The following MAGI2 variants were observed in gnomAD, a reference collection of about 807,000 sequenced individuals.
The protein encoded by MAGI2 is membrane associated guanylate kinase, WW and PDZ domain containing 2, also known as membrane-associated guanylate kinase, WW and PDZ domain-containing protein 2.
A neutral mutation model predicts 133.3 loss-of-function variants in MAGI2; 35 were observed. The ratio of observed to expected loss-of-function variants is 0.26; its 90% confidence interval spans 0.20 to 0.35. The LOEUF (loss-of-function observed/expected upper bound fraction) is 0.35. Ranked by LOEUF, MAGI2 falls within the 10% of genes least tolerant of loss-of-function variation. The probability of loss-of-function intolerance (pLI) is 1.00; values close to 1 mark genes in which losing one functional copy is unlikely to be tolerated. For missense variants in MAGI2, 1,636 were observed against 1,863.4 expected (o/e 0.88, Z 2.25); for synonymous variants, 729 against 710.6 (o/e 1.03, Z -0.41).
chr7:78,718,427 C>T (rs1429978350), intron 2 of MAGI2, among the ~76,000 whole-genome samples: 1 of 152,054 alleles, frequency 6.6e-6, no homozygotes, highest in Non-Finnish European at 1.5e-5. Flanking sequence ...AAAGCGTCAT[C>T]TGTATTTATA....
intron 1 of MAGI2, among the ~76,000 whole-genome samples, chr7:79,088,189 TCCTTGACGAACTACAACC>T (rs1281942910): frequency 6.6e-6 from 1 of 152,086 alleles, no homozygotes; most frequent in Non-Finnish European, 1.5e-5. Context: ...TTAGTAGTTC[TCCTTGACGAACTACAACC>T]CCTTGAAGAG....
intron 1 of MAGI2, among the ~76,000 whole-genome samples, chr7:79,399,931 T>C (rs1444109406): frequency 6.6e-6 from 1 of 152,240 alleles, no homozygotes; most frequent in Non-Finnish European, 1.5e-5. Flanking sequence ...TCTATTTACA[T>C]ATTCAAAGTC....
chr7:79,383,988 T>C (rs1173664937), intron 1 of MAGI2, among the ~76,000 whole-genome samples: 2 of 151,584 alleles, frequency 1.3e-5, no homozygotes, highest in Admixed American at 6.6e-5. Flanking sequence ...GAGACAACTG[T>C]ATATCAGTAC....
chr7:78,133,181 G>C, intron 17 of MAGI2, 121 bp from the exon 18 acceptor site: 1 of 748,500 alleles, frequency 1.3e-6, no homozygotes, highest in Non-Finnish European at 2.1e-6. Context: ...TTCCGTTTCT[G>C]CTAGGTTTTT....
intron 20 of MAGI2, among the ~76,000 whole-genome samples, chr7:78,097,152 A>G (rs1018435984): frequency 2.0e-5 from 3 of 152,260 alleles, no homozygotes; most frequent in African/African-American, 7.2e-5. Context: ...ATTACTAAAA[A>G]GTCAAAAGCC....
chr7:78,455,282 T>G (rs1789189976), intron 6 of MAGI2, among the ~76,000 whole-genome samples: 1 of 152,198 alleles, frequency 6.6e-6, no homozygotes, highest in Non-Finnish European at 1.5e-5. Flanking sequence ...AAACTTGAAT[T>G]CAGAAATGTC....
At chr7:78,246,789 T>C (rs1459305051) in intron 10 of MAGI2, among the ~76,000 whole-genome samples, 1 of 152,190 alleles carries the variant, frequency 6.6e-6, no homozygotes, top group Non-Finnish European at 1.5e-5. Flanking sequence ...ATTGCAGCTG[T>C]ATCCTGCTCA....
rs142982343 is a variant in MAGI2 at position 78,350,883 on chromosome 7, A to T, written c.1104-4840T>A. ...ATATCTATATCTCAGCCTGTTCACA[A>T]CCCACCTTGCTTCTCCTGGGGTTTT... On this transcript the variant is annotated intron_variant, in intron 7 of 21. Coordinates refer to ENST00000354212, the MANE Select transcript of MAGI2 (RefSeq NM_012301.4). Among the ~76,000 whole-genome samples the T allele has an allele frequency of 2.9e-3, 436 of 152,230 alleles. 1 individual carries two copies. Among genetic ancestry groups the T allele is most frequent in the Middle Eastern group, 0.02 (6 of 294 alleles).
chr7:78,375,433 G>A (rs1794350662), intron 6 of MAGI2, among the ~76,000 whole-genome samples: 1 of 152,008 alleles, frequency 6.6e-6, no homozygotes, highest in Non-Finnish European at 1.5e-5. Flanking sequence ...TATTCTGGTG[G>A]GAAGACCAGA....
At chr7:78,181,997 C>T (rs1465885311) in intron 13 of MAGI2, among the ~76,000 whole-genome samples, 2 of 152,168 alleles carry the variant, frequency 1.3e-5, no homozygotes, top group Non-Finnish European at 2.9e-5. Flanking sequence ...CAAAGAACAA[C>T]ATTTTTATGA....
intron 21 of MAGI2, among the ~76,000 whole-genome samples, chr7:78,077,076 G>A (rs181558015): frequency 1.3e-4 from 20 of 152,158 alleles, no homozygotes; most frequent in Non-Finnish European, 2.4e-4. Flanking sequence ...CTGAGAAAGC[G>A]GGGACCAATA....
Position 78,255,861 on chromosome 7 carries a change from G to A in MAGI2, c.2047+82C>T, listed in dbSNP as rs781168685. 4.4e-6 allele frequency: 6 copies of A among 1,368,090 alleles called. No individual in the cohort carries two copies. In the African/African-American group the frequency reaches 5.8e-5, roughly 13 times the overall value. 84.7% of individuals were successfully genotyped at this position (1,368,090 alleles called of 1,614,324 possible). On this transcript the variant is annotated intron_variant, in intron 10 of 21. Coordinates refer to ENST00000354212, the MANE Select transcript of MAGI2 (RefSeq NM_012301.4). ...AAGTATAATTTCATTCAACTCCAAG[G>A]AAATCTGCATTTTAACAATATTATT...
At chr7:78,137,929 A>ACCTACCTGAGCCAAGCACAT (rs1169506595) in intron 16 of MAGI2, among the ~76,000 whole-genome samples, 3 of 3,636 alleles carry the variant, frequency 8.3e-4, no homozygotes, top group Non-Finnish European at 9.1e-4. Flanking sequence ...GCTAAGTGAT[A>ACCTACCTGAGCCAAGCACAT]ATATATGTGT....
intron 1 of MAGI2, among the ~76,000 whole-genome samples, chr7:79,178,407 T>C (rs1238483185): frequency 2.6e-5 from 4 of 152,002 alleles, no homozygotes; most frequent in African/African-American, 9.7e-5. Flanking sequence ...AATAGGTTTA[T>C]ATAAATGTAA....
At chr7:78,125,894 T>G in intron 19 of MAGI2, 57 bp from the exon 20 acceptor site, 1 of 1,534,020 alleles carries the variant, frequency 6.5e-7, no homozygotes, top group Non-Finnish European at 9.0e-7. Flanking sequence ...GAGAAGCTTC[T>G]GTGGCTAGTC....
chr7:79,054,695 C>T (rs1812979048), intron 1 of MAGI2, among the ~76,000 whole-genome samples: 1 of 152,166 alleles, frequency 6.6e-6, no homozygotes, highest in Admixed American at 6.5e-5. Flanking sequence ...TGCTTTTAGT[C>T]TCTGAAAAAC....
At chr7:79,293,704 A>AGTGATT (rs1278204183) in intron 1 of MAGI2, among the ~76,000 whole-genome samples, 1 of 152,212 alleles carries the variant, frequency 6.6e-6, no homozygotes, top group Non-Finnish European at 1.5e-5. Context: ...AGCCAAAATC[A>AGTGATT]CTGGTCAAGG....
intron 1 of MAGI2, among the ~76,000 whole-genome samples, chr7:79,131,702 C>T (rs1820950952): frequency 6.6e-6 from 1 of 152,166 alleles, no homozygotes; most frequent in South Asian, 2.1e-4. Flanking sequence ...TAAGAAAAAA[C>T]TACTTCAATT....
At chr7:78,616,665 C>T (rs2150926796) in intron 3 of MAGI2, 1 of 152,284 alleles carries the variant, frequency 6.6e-6, no homozygotes, top group East Asian at 1.9e-4. Context: ...AAAATTATCA[C>T]ACTTAGGACA....
Sources: allele counts gnomAD v4.1 joint callset (sites outside exome capture counted in the v4.1 genomes callset), GRCh38; gene constraint gnomAD v4.1.1; transcripts MANE v1.5; gene names NCBI Gene and HGNC (gene_info 2026-07-23, HGNC 2026-07-21).